NCALD: variants seen among roughly 807,000 people sequenced by gnomAD.
NCALD encodes the protein neurocalcin delta.
NCALD carries 10 observed loss-of-function variants against 18.6 expected under a neutral mutation model. The ratio of observed to expected loss-of-function variants is 0.54; its 90% CI spans 0.33 to 0.91. The LOEUF (loss-of-function observed/expected upper bound fraction) is 0.91. Ranked by LOEUF, NCALD falls within the 40% of genes least tolerant of loss-of-function variation. The pLI is 0.03. For synonymous variants in NCALD, 88 were observed against 87.4 expected (o/e 1.01, Z -0.04); for missense variants, 184 against 247.6 (o/e 0.74, Z 1.72).
At chr8:101,835,243 G>A (rs1042487174) in intron 4 of NCALD, among the ~76,000 whole-genome samples, 1 of 152,250 alleles carries the variant, frequency 6.6e-6, no homozygotes, top group African/African-American at 2.4e-5. Context: ...TTCTATCTCA[G>A]GTGGTGCAGG....
intron 3 of NCALD, among the ~76,000 whole-genome samples, chr8:101,891,655 T>C (rs542474): frequency 0.73 from 111,743 of 152,158 alleles, 42,233 homozygotes; most frequent in African/African-American, 0.93. Context: ...AGTGGGTGCG[T>C]GCACCGAGTG....
intron 2 of NCALD, among the ~76,000 whole-genome samples, chr8:102,002,056 G>A (rs551438866): frequency 3.9e-5 from 6 of 152,240 alleles, no homozygotes; most frequent in East Asian, 3.9e-4. Flanking sequence ...TGGGCTAAAT[G>A]CTCCAATTAA....
intron 1 of NCALD, among the ~76,000 whole-genome samples, chr8:101,746,852 C>T (rs1471692973): frequency 6.6e-6 from 1 of 151,976 alleles, no homozygotes; most frequent in Non-Finnish European, 1.5e-5. Flanking sequence ...TTGGATCTTT[C>T]ACTAAATTCC....
chr8:102,017,369 A>T (rs1161989238), intron 2 of NCALD, among the ~76,000 whole-genome samples: 1 of 152,194 alleles, frequency 6.6e-6, no homozygotes, highest in Non-Finnish European at 1.5e-5. Flanking sequence ...AAAAAATAAG[A>T]AAATCTTTGC....
chr8:102,085,165 T>C (rs2132349259), intron 1 of NCALD, among the ~76,000 whole-genome samples: 1 of 152,298 alleles, frequency 6.6e-6, no homozygotes, highest in Non-Finnish European at 1.5e-5. Flanking sequence ...CTATTAATAT[T>C]TGGGGCCAGG....
rs145619938 is a variant in NCALD, at chr8:102,097,941, C to T, written c.-210+26296G>A. Among the ~76,000 whole-genome samples, 280 of 152,348 alleles carry T rather than the reference C, an allele frequency of 1.8e-3. 1 individual carries two copies. Among genetic ancestry groups the T allele is most frequent in the African/African-American group, 5.7e-3 (235 of 41,580 alleles). On this transcript the variant is annotated intron_variant, in intron 1 of 6. Transcript: ENST00000311028. ...AATGCAAAGGCCAGGCCACAGAACA[C>T]GCTGTGAATCGACAGTTTCAGAAGA...
intron 2 of NCALD, among the ~76,000 whole-genome samples, chr8:102,014,030 A>C (rs1821995154): frequency 1.3e-5 from 2 of 152,176 alleles, no homozygotes; most frequent in Non-Finnish European, 2.9e-5. Flanking sequence ...CAGGTTTTTG[A>C]AGCATCAATA....
chr8:101,920,893 A>C lies in NCALD; in HGVS notation c.-156-5035T>G, dbSNP rs1256092460. 4.6e-5 allele frequency among the ~76,000 whole-genome samples: 7 copies of C among 152,230 alleles called. No individual in the cohort carries two copies. The East Asian group carries it at 1.2e-3, about 25-fold the overall frequency. Reference sequence around the variant, plus strand: ...GAATCTAAAATAAAAGTTGGAAAAAAGGAACTAACTGACGCAGTCCATGTA... The same window carrying C: ...GAATCTAAAATAAAAGTTGGAAAAACGGAACTAACTGACGCAGTCCATGTA... On this transcript the variant is annotated intron_variant, in intron 2 of 6. Coordinates refer to the NCALD transcript ENST00000311028.
chr8:101,815,587 TTAAAA>T (rs1302514684), intron 4 of NCALD, among the ~76,000 whole-genome samples: 1 of 152,094 alleles, frequency 6.6e-6, no homozygotes, highest in African/African-American at 2.4e-5. Flanking sequence ...GGAATGTAAA[TTAAAA>T]TGAGATACTA....
At chr8:101,938,562 A>G (rs1818844775) in intron 2 of NCALD, among the ~76,000 whole-genome samples, 1 of 152,258 alleles carries the variant, frequency 6.6e-6, no homozygotes, top group Admixed American at 6.5e-5. Context: ...TGCGAAGACA[A>G]GATCAAAATT....
chr8:101,868,750 C>T (rs1047561215), intron 4 of NCALD, among the ~76,000 whole-genome samples: 1 of 152,128 alleles, frequency 6.6e-6, no homozygotes, highest in Non-Finnish European at 1.5e-5. Context: ...GCCAAGAGCT[C>T]GATGGAAAAC....
chr8:102,104,259 G>A (rs1443763826), intron 1 of NCALD, among the ~76,000 whole-genome samples: 1 of 152,070 alleles, frequency 6.6e-6, no homozygotes, highest in Non-Finnish European at 1.5e-5. Flanking sequence ...AATAAACTGG[G>A]TTTTAAATCC....
chr8:101,871,583 CT>C (rs3056946), intron 4 of NCALD, among the ~76,000 whole-genome samples: 33,247 of 138,578 alleles, frequency 0.24, 3,699 homozygotes, highest in East Asian at 0.39. Context: ...TTCAGATTTT[CT>C]TTTTTTTTTT....
At chr8:101,909,472 T>C (rs778253694) in intron 3 of NCALD, among the ~76,000 whole-genome samples, 6 of 152,194 alleles carry the variant, frequency 3.9e-5, no homozygotes, top group Non-Finnish European at 7.3e-5. Context: ...GTTCTCAGCC[T>C]CAGACTTCCA....
intron 1 of NCALD, among the ~76,000 whole-genome samples, chr8:101,733,491 AAG>A (rs916179688): frequency 2.6e-5 from 4 of 152,144 alleles, no homozygotes; most frequent in Admixed American, 6.5e-5. Flanking sequence ...CCAAGTGAGA[AAG>A]GGGGGAAAAT....
At chr8:102,011,590 T>C (rs1821905410) in intron 2 of NCALD, among the ~76,000 whole-genome samples, 1 of 152,180 alleles carries the variant, frequency 6.6e-6, no homozygotes, top group Admixed American at 6.5e-5. Context: ...CATTTGACAA[T>C]CTTATGTATA....
chr8:101,707,688 A>G (rs72674296), intron 2 of NCALD, among the ~76,000 whole-genome samples: 18,571 of 152,082 alleles, frequency 0.12, 1,171 homozygotes, highest in South Asian at 0.17. Flanking sequence ...CACAACTAGG[A>G]GAGAAAGTTT....
intron 1 of NCALD, among the ~76,000 whole-genome samples, chr8:102,115,248 T>A (rs888603670): frequency 6.6e-6 from 1 of 152,188 alleles, no homozygotes; most frequent in African/African-American, 2.4e-5. Context: ...AAAGTTAATA[T>A]TAACCAGAGT....
intron 3 of NCALD, among the ~76,000 whole-genome samples, chr8:101,913,273 CAAAT>C (rs920304840): frequency 1.3e-5 from 2 of 152,146 alleles, no homozygotes; most frequent in African/African-American, 4.8e-5. Context: ...ACTTTGAACT[CAAAT>C]AACAGCCATT....
Sources: allele counts gnomAD v4.1 joint callset (sites outside exome capture counted in the v4.1 genomes callset), GRCh38; gene constraint gnomAD v4.1.1; transcripts MANE v1.5; gene names NCBI Gene and HGNC (gene_info 2026-07-23, HGNC 2026-07-21).